PTPRD: variants seen among roughly 807,000 people sequenced by gnomAD.
PTPRD encodes the protein receptor-type tyrosine-protein phosphatase delta.
In PTPRD, 34 loss-of-function variants were observed where a neutral mutation model predicts 214.5. That is an observed-to-expected ratio of 0.16 (90% CI 0.12 to 0.21). PTPRD has a LOEUF of 0.21. PTPRD is among the 10% of genes least tolerant of loss of function. The pLI, the probability that PTPRD is intolerant of heterozygous loss-of-function variation, is 1.00. For synonymous variants in PTPRD, 1,128 were observed against 845.7 expected (o/e 1.33, Z -5.79); for missense variants, 2,545 against 2,398.7 (o/e 1.06, Z -1.27).
chr9:9,672,372 T>A (rs1343259375), intron 7 of PTPRD, among the ~76,000 whole-genome samples: 1 of 152,160 alleles, frequency 6.6e-6, no homozygotes, highest in Non-Finnish European at 1.5e-5. Flanking sequence ...TATCTACATT[T>A]AGGTATTGGT....
chr9:9,282,466 A>G (rs540360096), intron 9 of PTPRD, among the ~76,000 whole-genome samples: 9 of 151,532 alleles, frequency 5.9e-5, no homozygotes, highest in African/African-American at 2.2e-4. Context: ...ATTGGATGCT[A>G]AATCTTGAAT....
intron 22 of PTPRD, among the ~76,000 whole-genome samples, chr9:8,506,546 G>C (rs1036429724): frequency 2.0e-5 from 3 of 152,138 alleles, no homozygotes; most frequent in Non-Finnish European, 4.4e-5. Context: ...CCATCCACTA[G>C]TGCGAGACTT....
intron 2 of PTPRD, among the ~76,000 whole-genome samples, chr9:10,575,538 T>A (rs1037307791): frequency 6.6e-6 from 1 of 152,076 alleles, no homozygotes; most frequent in African/African-American, 2.4e-5. Context: ...GCAAAAAAAG[T>A]CTTCTTTTAA....
At chr9:9,568,897 T>G (rs1368628188) in intron 8 of PTPRD, among the ~76,000 whole-genome samples, 1 of 151,824 alleles carries the variant, frequency 6.6e-6, no homozygotes, top group African/African-American at 2.4e-5. Context: ...GCTGACTGTT[T>G]CCCAATACTA....
At chr9:8,647,933 T>C (rs1162231711) in intron 12 of PTPRD, among the ~76,000 whole-genome samples, 2 of 152,208 alleles carry the variant, frequency 1.3e-5, no homozygotes, top group African/African-American at 4.8e-5. Flanking sequence ...AGCTCTCGCA[T>C]CATACCCATT....
Position 8,353,387 on chromosome 9 carries a change from T to C in PTPRD, c.4662-11409A>G, listed in dbSNP as rs558484587. On this transcript the variant is annotated intron_variant, in intron 39 of 45. Coordinates refer to ENST00000381196, the MANE Select transcript of PTPRD (RefSeq NM_002839.4). The stretch of plus-strand genomic sequence containing the variant: ...CTTAAACTCATGGGTTTCTGAATTA[T>C]GAATCAGTATGCCTATTTATTTATT... Among the ~76,000 whole-genome samples the C allele has an allele frequency of 8.3e-4, 125 of 151,050 alleles. 1 individual carries two copies. The highest frequency in any genetic ancestry group is 2.8e-3 in the African/African-American group (115 of 41,422).
intron 11 of PTPRD, among the ~76,000 whole-genome samples, chr9:8,752,350 A>C (rs7872657): frequency 0.016 from 2,445 of 152,256 alleles, 70 homozygotes; most frequent in African/African-American, 0.056. Flanking sequence ...ATGGCAGTTT[A>C]CAGATGCCAT....
chr9:8,340,805 A>T (rs890701480), intron 41 of PTPRD, among the ~76,000 whole-genome samples: 2 of 152,154 alleles, frequency 1.3e-5, no homozygotes, highest in African/African-American at 4.8e-5. Flanking sequence ...ATTCTCACAC[A>T]ATCTATTAAA....
chr9:10,248,131 C>T (rs1455350507), intron 3 of PTPRD, among the ~76,000 whole-genome samples: 1 of 152,096 alleles, frequency 6.6e-6, no homozygotes, highest in Non-Finnish European at 1.5e-5. Flanking sequence ...GTCCAATAAA[C>T]CTCTTTCTTT....
chr9:8,351,429 A>G (rs921784798), intron 39 of PTPRD, among the ~76,000 whole-genome samples: 1 of 151,972 alleles, frequency 6.6e-6, no homozygotes, highest in Non-Finnish European at 1.5e-5. Context: ...CAAGGATAAC[A>G]TAATAATCTA....
At chr9:9,198,495 G>A (rs1389111216) in intron 9 of PTPRD, among the ~76,000 whole-genome samples, 7 of 151,970 alleles carry the variant, frequency 4.6e-5, no homozygotes, top group Non-Finnish European at 1.0e-4. Context: ...ATGTGGAAGC[G>A]TACCATGTAT....
intron 10 of PTPRD, among the ~76,000 whole-genome samples, chr9:9,057,407 T>C (rs2099698348): frequency 6.6e-6 from 1 of 152,174 alleles, no homozygotes; most frequent in African/African-American, 2.4e-5. Flanking sequence ...GTAAAATGTA[T>C]TATGAACATA....
chr9:8,456,856 C>A (rs1488587268), intron 33 of PTPRD, among the ~76,000 whole-genome samples: 1 of 152,284 alleles, frequency 6.6e-6, no homozygotes, highest in Non-Finnish European at 1.5e-5. Context: ...TCTACACTTT[C>A]TTTGATTCCA....
At chr9:10,531,345 C>T (rs916847507) in intron 2 of PTPRD, among the ~76,000 whole-genome samples, 4 of 152,004 alleles carry the variant, frequency 2.6e-5, no homozygotes, top group Non-Finnish European at 5.9e-5. Flanking sequence ...AATAAGTGTT[C>T]CTAAAAATCA....
chr9:8,537,946 C>A (rs1399177985), intron 14 of PTPRD, among the ~76,000 whole-genome samples: 2 of 152,046 alleles, frequency 1.3e-5, no homozygotes, highest in East Asian at 1.9e-4. Context: ...TCGGCCTGAG[C>A]AAATGATTAC....
intron 8 of PTPRD, among the ~76,000 whole-genome samples, chr9:9,522,782 G>A (rs1268752249): frequency 1.3e-5 from 2 of 152,092 alleles, no homozygotes; most frequent in African/African-American, 2.4e-5. Context: ...GAAACTTAAG[G>A]CTCTTTAGAT....
intron 2 of PTPRD, among the ~76,000 whole-genome samples, chr9:10,595,635 T>C (rs143308266): frequency 6.3e-4 from 96 of 151,472 alleles, no homozygotes; most frequent in African/African-American, 2.2e-3. Flanking sequence ...TTTAATTTAA[T>C]TGATTCACAA....
At chr9:10,482,322 G>A (rs2099105366) in intron 2 of PTPRD, among the ~76,000 whole-genome samples, 1 of 152,064 alleles carries the variant, frequency 6.6e-6, no homozygotes. Flanking sequence ...AGTGAGCCGA[G>A]ATGGCGCCAC....
chr9:8,446,855 A>T (rs375212964), intron 34 of PTPRD, among the ~76,000 whole-genome samples: 1 of 152,208 alleles, frequency 6.6e-6, no homozygotes, highest in African/African-American at 2.4e-5. Flanking sequence ...GGAGAAGAAC[A>T]ACCACAAAAG....
Sources: gnomAD v4.1 joint callset for allele counts (sites outside exome capture counted in the v4.1 genomes callset) on GRCh38, gnomAD v4.1.1 for gene constraint, MANE v1.5 for transcripts, NCBI Gene and HGNC (gene_info 2026-07-23, HGNC 2026-07-21) for gene names.